CLTCL1: variants seen among roughly 807,000 people sequenced by gnomAD.
CLTCL1 encodes the protein clathrin heavy chain like 1.
CLTCL1 carries 159 observed loss-of-function variants against 190.0 expected under a neutral mutation model. That is an observed-to-expected ratio of 0.84 (90% CI 0.74 to 0.95). The LOEUF (loss-of-function observed/expected upper bound fraction) is 0.95, where lower values mean the gene tolerates loss of function less well. Among genes scored for constraint, CLTCL1 ranks in the 40% least tolerant of loss-of-function variants. The pLI is 0.00. For missense variants in CLTCL1, 1,878 were observed against 2,033.4 expected (o/e 0.92, Z 1.47); for synonymous variants, 752 against 769.6 (o/e 0.98, Z 0.38).
chr22:19,217,865 A>G (rs1251409470), intron 18 of CLTCL1, among the ~76,000 whole-genome samples: 13 of 151,808 alleles, frequency 8.6e-5, no homozygotes, highest in Admixed American at 2.6e-4. Flanking sequence ...AAAAAAAAAA[A>G]AAAGAAAGAA....
chr22:19,251,677 C>G (rs1555970115), intron 3 of CLTCL1, among the ~76,000 whole-genome samples: 1 of 152,070 alleles, frequency 6.6e-6, no homozygotes, highest in African/African-American at 2.4e-5. Flanking sequence ...AGGATGGTCT[C>G]AATCTCCTGA....
intron 2 of CLTCL1, among the ~76,000 whole-genome samples, chr22:19,264,717 GA>G (rs1378527259): frequency 7.9e-5 from 12 of 152,008 alleles, no homozygotes; most frequent in Non-Finnish European, 1.5e-5. Flanking sequence ...ATGATATCAT[GA>G]TATACCTGGG....
intron 24 of CLTCL1, 141 bp from the exon 25 acceptor site, chr22:19,196,797 C>T (rs1218472953): frequency 2.2e-6 from 2 of 898,540 alleles, no homozygotes; most frequent in Non-Finnish European, 3.4e-6. Context: ...AACGTGTATA[C>T]ATACTGTGCT....
In CLTCL1 at chr22:19,209,031, C is replaced by A; in HGVS notation, c.3333G>T (p.Leu1111=). The change falls in exon 21 of 33, where the codon CTG becomes CTT. Residue 1111 remains leucine, a synonymous_variant. Transcript: ENST00000427926. The stretch of plus-strand genomic sequence containing the variant: ...AATCTTTCTGGAGCTGGGCTTGGGC[C>A]AGCTGACTCCACACAGCAGGCTCAT... ...RCNEPAVWSQ[L]AQAQLQKDLV... 6.2e-7 allele frequency: 1 copy of A among 1,610,966 alleles called. No homozygotes were observed. Among genetic ancestry groups the A allele is most frequent in the South Asian group, 1.1e-5 (1 of 90,372 alleles).
intron 9 of CLTCL1, chr22:19,232,923 G>C (rs1296673165): frequency 5.3e-6 from 3 of 565,600 alleles, no homozygotes; most frequent in Non-Finnish European, 9.1e-6. Context: ...AAGGAAGAGA[G>C]GGAGAGAAAA....
At chr22:19,216,695 C>T (rs1055903264) in intron 18 of CLTCL1, among the ~76,000 whole-genome samples, 5 of 152,306 alleles carry the variant, frequency 3.3e-5, no homozygotes, top group East Asian at 3.9e-4. Context: ...GCCTTCACAC[C>T]GGATGACACT....
chr22:19,210,403 T>C lies in CLTCL1; in HGVS notation c.3172A>G (p.Ile1058Val), dbSNP rs369394481. The change falls in exon 20 of 33, where the codon ATC becomes GTC. Residue 1058 changes from isoleucine to valine, a missense_variant. By Grantham distance (29) the Ile-to-Val change is conservative. Coordinates refer to ENST00000427926, the MANE Select transcript of CLTCL1 (RefSeq NM_007098.4). ...DNYDALDIASIAVSSALYEEA... is the reference protein window; with the variant it reads ...DNYDALDIASVAVSSALYEEA... Reference sequence around the variant, plus strand: ...TCATACAGTGCGCTGCTGACAGCGATGCTCGCGATGTCCAGTGCGTCATAG... The same window carrying C: ...TCATACAGTGCGCTGCTGACAGCGACGCTCGCGATGTCCAGTGCGTCATAG... The C allele has an allele frequency of 6.2e-7, 1 of 1,614,024 alleles. No individual in the cohort carries two copies. The highest frequency in any genetic ancestry group is 8.5e-7 in the Non-Finnish European group (1 of 1,179,888).
At chr22:19,222,280 T>A (rs1182994440) in intron 15 of CLTCL1, among the ~76,000 whole-genome samples, 187 bp from the exon 16 acceptor site, 1 of 152,136 alleles carries the variant, frequency 6.6e-6, no homozygotes, top group Non-Finnish European at 1.5e-5. Context: ...AGAGGGTGTT[T>A]AAGAAGGTAA....
Position 19,221,386 on chromosome 22 carries a change from C to G in CLTCL1, c.2787G>C (p.Glu929Asp). 2 of 1,550,412 alleles carry G rather than the reference C, an allele frequency of 1.3e-6. No homozygotes were observed. The highest frequency in any genetic ancestry group is 1.7e-6 in the Non-Finnish European group (2 of 1,146,146). The change falls in exon 17 of 33, where the codon GAG (glutamate) becomes GAC (aspartate). Residue 929 changes from glutamate (E) to aspartate (D), a missense_variant. Physicochemically the swap from Glu to Asp is conservative, Grantham distance 45. Transcript: ENST00000427926. ...CACATCTGCTACCCACCTTGATGAGCTCAAGGTCACACTGCCCCCGCTCAT... is the reference window on the plus strand; with the variant it reads ...CACATCTGCTACCCACCTTGATGAGGTCAAGGTCACACTGCCCCCGCTCAT... ...VAYERGQCDL[E>D]LIKVCNENSL...
intron 18 of CLTCL1, among the ~76,000 whole-genome samples, chr22:19,217,615 CAAAAAAA>C (rs71184793): frequency 0.082 from 2,859 of 34,774 alleles, 150 homozygotes; most frequent in African/African-American, 0.24. Context: ...GACTCTGTCT[CAAAAAAA>C]AAAAAAAAAA....
In CLTCL1 at chr22:19,280,337, A is replaced by AT. The variant is rs879998804; in HGVS notation, c.43-4508dup. 4.0e-3 allele frequency among the ~76,000 whole-genome samples: 590 copies of AT among 147,024 alleles called. 1 individual carries two copies. Among genetic ancestry groups the AT allele is most frequent in the Non-Finnish European group, 7.0e-3 (467 of 66,270 alleles). Reference sequence around the variant, plus strand: ...ACTGGATGATACTGAGAAACTACTGATTTTTTTTTTTTAGGTGTGATGTTA... The same window carrying AT: ...ACTGGATGATACTGAGAAACTACTGATTTTTTTTTTTTTAGGTGTGATGTTA... On this transcript the variant is annotated intron_variant, in intron 1 of 32. Transcript: ENST00000427926.
chr22:19,263,956 T>C (rs1296685378), intron 2 of CLTCL1, among the ~76,000 whole-genome samples: 2 of 152,090 alleles, frequency 1.3e-5, no homozygotes, highest in Non-Finnish European at 2.9e-5. Context: ...ATCCAGAATA[T>C]ATAAAGAATG....
chr22:19,277,530 A>C (rs1569253462), intron 1 of CLTCL1, among the ~76,000 whole-genome samples: 1 of 152,248 alleles, frequency 6.6e-6, no homozygotes, highest in East Asian at 1.9e-4. Context: ...CAGCAAAAAA[A>C]CAAAACATTA....
chr22:19,194,338 C>T (rs928032009), intron 26 of CLTCL1, among the ~76,000 whole-genome samples: 3 of 152,014 alleles, frequency 2.0e-5, no homozygotes, highest in South Asian at 4.2e-4. Flanking sequence ...AAAAATGAGC[C>T]GGGCGTGGTG....
At chr22:19,274,880 C>A (rs1387024251) in intron 2 of CLTCL1, among the ~76,000 whole-genome samples, 1 of 152,050 alleles carries the variant, frequency 6.6e-6, no homozygotes, top group Non-Finnish European at 1.5e-5. Flanking sequence ...GCATGCGCCA[C>A]CACGCCCAGC....
rs1555960917 is a variant in CLTCL1, at chr22:19,234,552, C to T, written c.1124G>A (p.Gly375Asp). Reference protein sequence around the residue: ...VRKFNTLFAQGSYAEAAKVAA... With the variant: ...VRKFNTLFAQDSYAEAAKVAA... ...AACTTTGGCGGCTTCAGCATAGCTGCCCTGTGCAAAGAGGGTATTGAATTT... is the reference window on the plus strand; with the variant it reads ...AACTTTGGCGGCTTCAGCATAGCTGTCCTGTGCAAAGAGGGTATTGAATTT... The change falls in exon 7 of 33, where the codon GGC becomes GAC. Residue 375 changes from glycine to aspartate, a missense_variant. Gly to Asp is a moderately conservative substitution (Grantham distance 94, BLOSUM62 -1). Coordinates refer to ENST00000427926, the MANE Select transcript of CLTCL1 (RefSeq NM_007098.4). 1 of 1,613,966 alleles carries T rather than the reference C, an allele frequency of 6.2e-7. No homozygotes were observed.
At chr22:19,260,416 CAG>C (rs2086902213) in intron 2 of CLTCL1, among the ~76,000 whole-genome samples, 2 of 151,498 alleles carry the variant, frequency 1.3e-5, no homozygotes, top group African/African-American at 4.9e-5. Context: ...GGGGATAATG[CAG>C]CTGGTAACTT....
intron 24 of CLTCL1, 113 bp from the exon 25 acceptor site, chr22:19,196,769 G>A (rs782549384): frequency 4.1e-6 from 5 of 1,230,336 alleles, no homozygotes; most frequent in Non-Finnish European, 5.6e-6. Context: ...ATGATCCCGA[G>A]GAGGCATGTG....
chr22:19,261,782 G>C (rs1344707824), intron 2 of CLTCL1, among the ~76,000 whole-genome samples: 1 of 152,136 alleles, frequency 6.6e-6, no homozygotes, highest in African/African-American at 2.4e-5. Context: ...TCTTCCAATG[G>C]AATCTACTCC....
Sources: allele counts gnomAD v4.1 joint callset (sites outside exome capture counted in the v4.1 genomes callset), GRCh38; gene constraint gnomAD v4.1.1; transcripts MANE v1.5; gene names NCBI Gene and HGNC (gene_info 2026-07-23, HGNC 2026-07-21).